Variants in PARD3B observed in about 807,000 individuals in gnomAD.
PARD3B encodes the protein par-3 family cell polarity regulator beta.
Under a neutral mutation model 130.2 loss-of-function variants are expected in PARD3B, and 103 were observed. The ratio of observed to expected loss-of-function variants is 0.79; its 90% CI spans 0.67 to 0.93. PARD3B has a LOEUF of 0.93. Ranked by LOEUF, PARD3B falls within the 40% of genes least tolerant of loss-of-function variation. The pLI is 0.00. For synonymous variants in PARD3B, 583 were observed against 553.2 expected, an observed-to-expected ratio of 1.05 and a Z score of -0.76; for missense variants, 1,609 against 1,499.2, an observed-to-expected ratio of 1.07 and a Z score of -1.21.
Position 205,158,443 on chromosome 2 carries a change from C to T in PARD3B, c.1435-279C>T, listed in dbSNP as rs566176476. ...ATCTTAGTAAATTTCCAAAGGCTTG[C>T]GAGGTGTTTCAGATTGCATCGCTCT... On this transcript the variant is annotated intron_variant, in intron 10 of 22. Coordinates refer to ENST00000406610, the MANE Select transcript of PARD3B (RefSeq NM_001302769.2). The surrounding 1 kb of genome is among the most constrained non-coding windows in gnomAD (Gnocchi z 5.4). Among the ~76,000 whole-genome samples the T allele has an allele frequency of 4.5e-4, 68 of 152,214 alleles. No homozygotes were observed. In the South Asian group the frequency reaches 0.013, roughly 30 times the overall value.
rs920401652 is a variant in PARD3B, at chr2:204,904,069, A to G, written c.223-61083A>G. The stretch of plus-strand genomic sequence containing the variant: ...TCAGAGTATATTGCACCTTTAGCAT[A>G]AAAAAGGCTCTGATTTATTTTACTT... On this transcript the variant is annotated intron_variant, in intron 2 of 22. Transcript: ENST00000406610. Among the ~76,000 whole-genome samples, 4 of 152,204 alleles carry G rather than the reference A, an allele frequency of 2.6e-5. No individual in the cohort carries two copies. The East Asian group carries it at 7.7e-4, about 29-fold the overall frequency.
chr2:205,413,238 G>A (rs2046660359), intron 19 of PARD3B, among the ~76,000 whole-genome samples: 1 of 152,102 alleles, frequency 6.6e-6, no homozygotes, highest in South Asian at 2.1e-4. Flanking sequence ...AAAGTACCTA[G>A]AACTGTGCTT....
At chr2:205,250,241 TG>T (rs1191349792) in intron 16 of PARD3B, among the ~76,000 whole-genome samples, 13 of 151,972 alleles carry the variant, frequency 8.6e-5, no homozygotes, top group African/African-American at 3.1e-4. Context: ...CTTTTTTTTT[TG>T]TTTTGATTTA....
chr2:205,343,165 G>A (rs2043604962), intron 18 of PARD3B, among the ~76,000 whole-genome samples: 1 of 152,162 alleles, frequency 6.6e-6, no homozygotes, highest in African/African-American at 2.4e-5. Context: ...TCTAATGAAA[G>A]CAATGCCCAA....
intron 2 of PARD3B, among the ~76,000 whole-genome samples, chr2:204,747,788 G>A (rs912736510): frequency 3.6e-4 from 55 of 152,128 alleles, no homozygotes; most frequent in East Asian, 7.7e-4. Flanking sequence ...ATTTTAAAAA[G>A]AAATGAGAAA....
At chr2:204,762,148 A>AGATT (rs1197847499) in intron 2 of PARD3B, among the ~76,000 whole-genome samples, 1 of 124,470 alleles carries the variant, frequency 8.0e-6, no homozygotes, top group East Asian at 2.2e-4. Context: ...TTGAGATGGA[A>AGATT]TCTTGCTCTG....
intron 22 of PARD3B, among the ~76,000 whole-genome samples, chr2:205,594,731 G>A (rs77805600): frequency 5.9e-5 from 9 of 152,194 alleles, no homozygotes; most frequent in Non-Finnish European, 1.3e-4. Flanking sequence ...TAAACAGTGT[G>A]TTGGGGATGG....
chr2:204,948,029 A>C (rs974713212), intron 2 of PARD3B, among the ~76,000 whole-genome samples: 9 of 152,220 alleles, frequency 5.9e-5, no homozygotes, highest in Non-Finnish European at 8.8e-5. Flanking sequence ...ATGTTTGCAC[A>C]TACTTTGCTT....
At chr2:205,242,409 A>T (rs1418696955) in intron 15 of PARD3B, among the ~76,000 whole-genome samples, 1 of 152,238 alleles carries the variant, frequency 6.6e-6, no homozygotes, top group African/African-American at 2.4e-5. Flanking sequence ...TAAAAAAGAT[A>T]AAAACAAAGC....
intron 2 of PARD3B, among the ~76,000 whole-genome samples, chr2:204,745,901 C>G (rs1234082056): frequency 6.6e-6 from 1 of 151,990 alleles, no homozygotes; most frequent in African/African-American, 2.4e-5. Context: ...TTTTCCTCTT[C>G]ATTCCTTTGT....
intron 10 of PARD3B, among the ~76,000 whole-genome samples, chr2:205,156,318 C>G (rs569933502): frequency 6.7e-6 from 1 of 149,668 alleles, no homozygotes; most frequent in Non-Finnish European, 1.5e-5. Flanking sequence ...TGCTAAATGA[C>G]GAGTTAATGG....
chr2:205,220,018 C>G (rs554346676), intron 15 of PARD3B, among the ~76,000 whole-genome samples: 10 of 152,230 alleles, frequency 6.6e-5, no homozygotes, highest in African/African-American at 2.4e-4. Context: ...ACAGGGAGAA[C>G]TGTTGAGCCG....
intron 4 of PARD3B, among the ~76,000 whole-genome samples, chr2:205,054,428 ATATATATATTTTT>A (rs1410248853): frequency 0.017 from 530 of 31,780 alleles, 10 homozygotes; most frequent in South Asian, 0.027. Flanking sequence ...ATATATATAT[ATATATATATTTTT>A]TTTTTTTTTT....
At chr2:205,196,464 T>C (rs2036687437) in intron 15 of PARD3B, among the ~76,000 whole-genome samples, 1 of 152,196 alleles carries the variant, frequency 6.6e-6, no homozygotes, top group African/African-American at 2.4e-5. Flanking sequence ...CAAGTGATTT[T>C]TTTGCAACCC....
At chr2:205,260,299 T>G (rs771088158) in intron 16 of PARD3B, among the ~76,000 whole-genome samples, 3 of 152,170 alleles carry the variant, frequency 2.0e-5, no homozygotes, top group Non-Finnish European at 4.4e-5. Context: ...TGTGGAACTT[T>G]CCACTTATAG....
At chr2:204,589,355 T>C (rs1183076012) in intron 1 of PARD3B, among the ~76,000 whole-genome samples, 1 of 152,174 alleles carries the variant, frequency 6.6e-6, no homozygotes, top group Admixed American at 6.5e-5. Flanking sequence ...AGTAATAAGA[T>C]GGGATAAATC....
At chr2:205,597,535 A>G (rs2054615225) in intron 22 of PARD3B, among the ~76,000 whole-genome samples, 1 of 152,224 alleles carries the variant, frequency 6.6e-6, no homozygotes, top group Admixed American at 6.5e-5. Context: ...ACCTTTGGGT[A>G]TACACTCAGT....
chr2:205,530,131 TGGA>T lies in PARD3B; in HGVS notation c.3181-23192_3181-23190del, dbSNP rs1270564924. The stretch of plus-strand genomic sequence containing the variant: ...CAAAAGAGTGGCACACAGGAGCATG[TGGA>T]AAGGAAATAATATGCACATCTAACC... On this transcript the variant is annotated intron_variant, in intron 21 of 22. Coordinates refer to ENST00000406610, the MANE Select transcript of PARD3B (RefSeq NM_001302769.2). The surrounding 1 kb of genome is among the most constrained non-coding windows in gnomAD (Gnocchi z 4.7). 3.3e-5 allele frequency among the ~76,000 whole-genome samples: 5 copies of T among 152,150 alleles called. No homozygotes were observed. Among genetic ancestry groups the T allele is most frequent in the Non-Finnish European group, 7.4e-5 (5 of 68,024 alleles).
intron 1 of PARD3B, among the ~76,000 whole-genome samples, chr2:204,674,034 C>T (rs2036424381): frequency 6.6e-6 from 1 of 152,088 alleles, no homozygotes; most frequent in African/African-American, 2.4e-5. Context: ...GCCCGTCCCC[C>T]TACTTTCTTA....
Sources: gnomAD v4.1 joint callset for allele counts (sites outside exome capture counted in the v4.1 genomes callset) on GRCh38, gnomAD v4.1.1 for gene constraint, Gnocchi (gnomAD v3.1) non-coding constraint, MANE v1.5 for transcripts, NCBI Gene and HGNC (gene_info 2026-07-23, HGNC 2026-07-21) for gene names.